TM9SF3: variants seen among roughly 807,000 people sequenced by gnomAD.
The protein encoded by TM9SF3 is SM-11044-binding protein.
In TM9SF3, 14 loss-of-function variants were observed where a neutral mutation model predicts 78.6. The observed-to-expected ratio is 0.18, with a 90% CI of 0.12 to 0.28. The LOEUF is 0.28. Ranked by LOEUF, TM9SF3 falls within the 10% of genes least tolerant of loss-of-function variation. The pLI, the probability that TM9SF3 is intolerant of heterozygous loss-of-function variation, is 1.00. For synonymous variants in TM9SF3, 231 were observed against 241.7 expected, an observed-to-expected ratio of 0.96 and a Z score of 0.41; for missense variants, 496 against 721.9, an observed-to-expected ratio of 0.69 and a Z score of 3.59.
chr10:96,544,581 T>A (rs972573842), intron 8 of TM9SF3, among the ~76,000 whole-genome samples: 2 of 152,146 alleles, frequency 1.3e-5, no homozygotes, highest in African/African-American at 4.8e-5. Context: ...TCCTTGGAGT[T>A]CTGGAGCTTC....
chr10:96,565,206 A>G, intron 3 of TM9SF3, 98 bp downstream of exon 3: 1 of 1,107,908 alleles, frequency 9.0e-7, no homozygotes, highest in Non-Finnish European at 1.2e-6. Context: ...AAACACATTT[A>G]CACCATGATC....
chr10:96,573,525 C>T (rs771345970), intron 2 of TM9SF3, among the ~76,000 whole-genome samples: 2 of 152,150 alleles, frequency 1.3e-5, no homozygotes, highest in Admixed American at 6.5e-5. Flanking sequence ...TAGGAATCAG[C>T]AACTCTCAGG....
intron 11 of TM9SF3, among the ~76,000 whole-genome samples, chr10:96,528,782 T>G (rs1049523853): frequency 4.6e-5 from 7 of 152,098 alleles, no homozygotes; most frequent in African/African-American, 1.7e-4. Flanking sequence ...GCTAATACTT[T>G]AAATGAAGGG....
intron 1 of TM9SF3, among the ~76,000 whole-genome samples, chr10:96,578,893 T>C (rs759986495): frequency 2.0e-5 from 3 of 152,202 alleles, no homozygotes; most frequent in South Asian, 2.1e-4. Flanking sequence ...CTGGCCAACA[T>C]GGTGAAACCC....
chr10:96,541,567 A>G (rs1848032868), intron 9 of TM9SF3, among the ~76,000 whole-genome samples: 1 of 152,092 alleles, frequency 6.6e-6, no homozygotes, highest in African/African-American at 2.4e-5. Flanking sequence ...CTTTTTCAGT[A>G]GAGATAGGGT....
chr10:96,544,825 CAA>C (rs946344748), intron 8 of TM9SF3, among the ~76,000 whole-genome samples: 1 of 144,448 alleles, frequency 6.9e-6, no homozygotes. Flanking sequence ...TAAGACAGGG[CAA>C]AAAAAAAATT....
At position 96,530,730 on chromosome 10, in the gene TM9SF3, G is replaced by C. The variant is rs1423878679; in HGVS notation, c.1326-122C>G. On this transcript the variant is annotated intron_variant, in intron 10 of 14. Coordinates refer to ENST00000371142, the MANE Select transcript of TM9SF3 (RefSeq NM_020123.4). ...ATCTCTAAAGGATAGAAACAAACCA[G>C]TAAAATGAAAAGCCAAAACCCAAAG... 4 of 896,712 alleles carry C rather than the reference G, an allele frequency of 4.5e-6. 1 individual carries two copies. In the African/African-American group the frequency reaches 5.2e-5, roughly 12 times the overall value. 55.5% of individuals were successfully genotyped at this position (896,712 alleles called of 1,614,324 possible).
chr10:96,562,200 G>C, intron 3 of TM9SF3, 62 bp from the exon 4 acceptor site: 125 of 1,120,688 alleles, frequency 1.1e-4, no homozygotes, highest in Middle Eastern at 2.8e-4. Context: ...TATCCTACAA[G>C]CTAAATGCTC....
intron 11 of TM9SF3, 35 bp from the exon 12 acceptor site, chr10:96,528,212 C>A: frequency 1.3e-6 from 2 of 1,577,730 alleles, no homozygotes; most frequent in South Asian, 2.3e-5. Context: ...GGTTTCCAGT[C>A]TTTATTCTTA....
chr10:96,560,772 C>A, intron 4 of TM9SF3: 2 of 565,746 alleles, frequency 3.5e-6, no homozygotes, highest in South Asian at 2.8e-5. Context: ...AAAGTCAAAT[C>A]AGAATGGAAA....
At chr10:96,565,767 GT>G (rs1848361474) in intron 2 of TM9SF3, among the ~76,000 whole-genome samples, 1 of 151,936 alleles carries the variant, frequency 6.6e-6, no homozygotes, top group South Asian at 2.1e-4. Context: ...ACATAACAAA[GT>G]TTTTATTTAA....
rs992549136 is a variant in TM9SF3 at position 96,549,370 on chromosome 10, G to A, written c.960-1381C>T. ...TATTATTTTCTCTATTTTCATTTCC[G>A]TAACATAGCAAATTAAGAAAAGAGT... On this transcript the variant is annotated intron_variant, in intron 7 of 14. Coordinates refer to ENST00000371142, the MANE Select transcript of TM9SF3 (RefSeq NM_020123.4). Among the ~76,000 whole-genome samples, 15 of 151,092 alleles carry A rather than the reference G, an allele frequency of 9.9e-5. 1 individual carries two copies. The South Asian group carries it at 1.5e-3, about 15-fold the overall frequency.
intron 8 of TM9SF3, among the ~76,000 whole-genome samples, chr10:96,545,877 G>A (rs981607878): frequency 2.7e-5 from 4 of 145,494 alleles, no homozygotes; most frequent in Non-Finnish European, 4.5e-5. Flanking sequence ...AGACAAGAGC[G>A]AAACTCCATC....
At chr10:96,541,854 T>C (rs1158486094) in intron 9 of TM9SF3, among the ~76,000 whole-genome samples, 1 of 152,212 alleles carries the variant, frequency 6.6e-6, no homozygotes, top group African/African-American at 2.4e-5. Flanking sequence ...TTAGTAGTGG[T>C]ACCTGGCTTC....
intron 5 of TM9SF3, among the ~76,000 whole-genome samples, chr10:96,553,757 T>G (rs1292036305): frequency 1.3e-5 from 2 of 152,236 alleles, no homozygotes; most frequent in Admixed American, 6.5e-5. Context: ...CTTGAAGCTC[T>G]TGGCTTTGAT....
intron 5 of TM9SF3, among the ~76,000 whole-genome samples, chr10:96,556,998 G>A (rs752981363): frequency 1.3e-5 from 2 of 151,798 alleles, no homozygotes; most frequent in Non-Finnish European, 2.9e-5. Context: ...CCCCTCCCCC[G>A]CAAAGCCCTT....
intron 1 of TM9SF3, among the ~76,000 whole-genome samples, chr10:96,578,691 C>T (rs1848525268): frequency 6.6e-6 from 1 of 152,206 alleles, no homozygotes; most frequent in African/African-American, 2.4e-5. Context: ...CAAGTTACTC[C>T]TTTCTGCTGA....
At position 96,586,860 on chromosome 10, in the gene TM9SF3, C is replaced by T. The variant is rs1398306357; in HGVS notation, c.-25G>A. The T allele has an allele frequency of 2.3e-5, 27 of 1,194,664 alleles. No individual in the cohort carries two copies. The highest frequency in any genetic ancestry group is 2.4e-5 in the Non-Finnish European group (23 of 966,908). The allele number at this position is 1,194,664 out of a possible 1,614,324, so 74.0% of individuals were successfully genotyped here. ...TCCTCCGCGCCCCTCCGGCCCGGAG[C>T]CGGCTCACCGACTCCTCCTCCCGCC... On this transcript the variant is annotated 5_prime_UTR_variant, in exon 1 of 15. Coordinates refer to ENST00000371142, the MANE Select transcript of TM9SF3 (RefSeq NM_020123.4).
chr10:96,532,767 G>GAT (rs1265662258), intron 10 of TM9SF3, among the ~76,000 whole-genome samples: 1 of 95,114 alleles, frequency 1.1e-5, no homozygotes, highest in Admixed American at 1.3e-4. Context: ...TTGGCCTGCA[G>GAT]ATTAGTAAAA....
Sources: allele counts gnomAD v4.1 joint callset (sites outside exome capture counted in the v4.1 genomes callset), GRCh38; gene constraint gnomAD v4.1.1; transcripts MANE v1.5; gene names NCBI Gene and HGNC (gene_info 2026-07-23, HGNC 2026-07-21).